ADARB2: variants seen among roughly 807,000 people sequenced by gnomAD.
ADARB2 encodes inactive double-stranded RNA-specific editase B2.
In ADARB2, 25 loss-of-function variants were observed where a neutral mutation model predicts 62.2. The observed-to-expected ratio is 0.40, with a 90% CI of 0.29 to 0.56. The LOEUF is 0.56. Among genes scored for constraint, ADARB2 ranks in the 20% least tolerant of loss-of-function variants. ADARB2 has a pLI of 0.43. For synonymous variants in ADARB2, 572 were observed against 500.8 expected (o/e 1.14, Z -1.90); for missense variants, 1,071 against 1,077.4 (o/e 0.99, Z 0.08).
At chr10:1,359,997 T>A (rs1452474775) in intron 3 of ADARB2, among the ~76,000 whole-genome samples, 1 of 152,270 alleles carries the variant, frequency 6.6e-6, no homozygotes, top group Admixed American at 6.5e-5. Context: ...GCTTCCTTCA[T>A]AGGAGCAAGC....
intron 1 of ADARB2, among the ~76,000 whole-genome samples, chr10:1,466,545 C>A (rs1831257721): frequency 6.6e-6 from 1 of 152,162 alleles, no homozygotes; most frequent in Non-Finnish European, 1.5e-5. Context: ...GGGTGGGAAC[C>A]TCACCTAGTG....
intron 1 of ADARB2, among the ~76,000 whole-genome samples, chr10:1,499,401 C>G (rs527296952): frequency 6.6e-6 from 1 of 152,090 alleles, no homozygotes; most frequent in African/African-American, 2.4e-5. Flanking sequence ...TCAGTCATTA[C>G]TCATTCATCA....
intron 1 of ADARB2, among the ~76,000 whole-genome samples, chr10:1,609,390 G>A (rs1833539069): frequency 1.3e-5 from 2 of 152,212 alleles, no homozygotes; most frequent in African/African-American, 2.4e-5. Flanking sequence ...AGGAGGCTGC[G>A]TGCCTGGGAA....
At chr10:1,404,605 A>C (rs1832690973) in intron 1 of ADARB2, among the ~76,000 whole-genome samples, 1 of 152,214 alleles carries the variant, frequency 6.6e-6, no homozygotes, top group Non-Finnish European at 1.5e-5. Flanking sequence ...TGTGTCAGGC[A>C]CTGAGCTGAG....
chr10:1,261,424 C>G (rs1458477388), intron 4 of ADARB2, among the ~76,000 whole-genome samples: 9 of 148,762 alleles, frequency 6.0e-5, no homozygotes, highest in Admixed American at 6.0e-4. Flanking sequence ...GGCTAATACC[C>G]AGAATCTACA....
At chr10:1,428,706 T>C (rs985729106) in intron 1 of ADARB2, among the ~76,000 whole-genome samples, 3 of 152,080 alleles carry the variant, frequency 2.0e-5, no homozygotes, top group South Asian at 2.1e-4. Context: ...GGTGTGCTTA[T>C]GAAAGGGACA....
intron 1 of ADARB2, among the ~76,000 whole-genome samples, chr10:1,452,100 G>T (rs1209094434): frequency 6.6e-6 from 1 of 152,152 alleles, no homozygotes. Flanking sequence ...CAGATGCCTG[G>T]CCAGGAGGCT....
intron 1 of ADARB2, among the ~76,000 whole-genome samples, chr10:1,386,655 T>G (rs1832528035): frequency 6.6e-6 from 1 of 151,906 alleles, no homozygotes; most frequent in African/African-American, 2.4e-5. Flanking sequence ...TTAAACAACA[T>G]GAATAAAAAA....
In ADARB2 at chr10:1,317,530, C is replaced by CT. The variant is rs149753526; in HGVS notation, c.1077+45497dup. ...TTAGTTTTGATGGCTCTGGGAGAGT[C>CT]TTATATAAACAAGATCACTTCTGGG... On this transcript the variant is annotated intron_variant, in intron 3 of 9. Coordinates refer to ENST00000381312, the MANE Select transcript of ADARB2 (RefSeq NM_018702.4). 7.9e-3 allele frequency among the ~76,000 whole-genome samples: 1,202 copies of CT among 152,238 alleles called. 24 individuals are homozygous for CT. The highest frequency in any genetic ancestry group is 0.027 in the African/African-American group (1,101 of 41,520).
chr10:1,571,823 A>AGGCAGG (rs1832940037), intron 1 of ADARB2, among the ~76,000 whole-genome samples: 2 of 130,504 alleles, frequency 1.5e-5, no homozygotes, highest in African/African-American at 6.0e-5. Flanking sequence ...ACAGGTGAGT[A>AGGCAGG]TGCAGGTGAT....
chr10:1,229,785 C>T (rs997018154), intron 6 of ADARB2, among the ~76,000 whole-genome samples: 8 of 23,758 alleles, frequency 3.4e-4, no homozygotes, highest in South Asian at 1.8e-3. Flanking sequence ...CTTCTGTGTA[C>T]ATGTGTTTAT....
chr10:1,655,970 G>A (rs892140754), intron 1 of ADARB2, among the ~76,000 whole-genome samples: 1 of 152,184 alleles, frequency 6.6e-6, no homozygotes, highest in Non-Finnish European at 1.5e-5. Flanking sequence ...TGAGGTGTGA[G>A]GTGTGCCCAC....
chr10:1,197,957 A>G (rs1364613979), intron 8 of ADARB2, among the ~76,000 whole-genome samples: 1 of 152,222 alleles, frequency 6.6e-6, no homozygotes, highest in Non-Finnish European at 1.5e-5. Context: ...TTTATTAATT[A>G]CTATCCCCAT....
At chr10:1,463,882 G>A (rs1831208955) in intron 1 of ADARB2, among the ~76,000 whole-genome samples, 1 of 152,198 alleles carries the variant, frequency 6.6e-6, no homozygotes, top group Admixed American at 6.5e-5. Context: ...GATTTGAGCA[G>A]ACACTTTGCC....
At chr10:1,665,114 C>T (rs1834298813) in intron 1 of ADARB2, among the ~76,000 whole-genome samples, 1 of 152,120 alleles carries the variant, frequency 6.6e-6, no homozygotes, top group Non-Finnish European at 1.5e-5. Context: ...TTTCACTTTT[C>T]CCACAGGAAG....
chr10:1,402,229 C>G (rs1405009798), intron 1 of ADARB2, among the ~76,000 whole-genome samples: 3 of 152,188 alleles, frequency 2.0e-5, no homozygotes, highest in Non-Finnish European at 4.4e-5. Context: ...CTGTCTCATT[C>G]TGCTCTGGTC....
At chr10:1,448,939 C>A (rs945674393) in intron 1 of ADARB2, among the ~76,000 whole-genome samples, 4 of 152,184 alleles carry the variant, frequency 2.6e-5, no homozygotes, top group Non-Finnish European at 5.9e-5. Flanking sequence ...GTAAGCATGA[C>A]CACCCTGTGC....
intron 3 of ADARB2, among the ~76,000 whole-genome samples, chr10:1,343,971 A>G: frequency 6.6e-6 from 1 of 152,174 alleles, no homozygotes; most frequent in South Asian, 2.1e-4. Flanking sequence ...AAACCCCCAC[A>G]ACACACAATT....
chr10:1,208,520 T>G (rs961185928), intron 7 of ADARB2, among the ~76,000 whole-genome samples: 30 of 152,154 alleles, frequency 2.0e-4, no homozygotes, highest in African/African-American at 7.0e-4. Flanking sequence ...TGCCTCCCAT[T>G]CTCTCACCTC....
Sources: gnomAD v4.1 joint callset for allele counts (sites outside exome capture counted in the v4.1 genomes callset) on GRCh38, gnomAD v4.1.1 for gene constraint, MANE v1.5 for transcripts, NCBI Gene and HGNC (gene_info 2026-07-23, HGNC 2026-07-21) for gene names.